The following CIB4 variants were observed in gnomAD, a reference collection of about 807,000 sequenced individuals.
CIB4 encodes the protein calcium and integrin binding family member 4, also known as calcium and integrin-binding family member 4.
Under a neutral mutation model 25.8 loss-of-function variants are expected in CIB4, and 25 were observed. The observed-to-expected ratio is 0.97, with a 90% CI of 0.71 to 1.35. CIB4 has a LOEUF of 1.35. CIB4 is among the 40% of genes most tolerant of loss of function. CIB4 has a pLI of 0.00. For synonymous variants in CIB4, 75 were observed against 81.4 expected (o/e 0.92, Z 0.42); for missense variants, 235 against 228.2 (o/e 1.03, Z -0.19).
At chr2:26,605,580 C>G (rs998574334) in intron 3 of CIB4, 1 of 470,688 alleles carries the variant, frequency 2.1e-6, no homozygotes, top group Non-Finnish European at 4.4e-6. Flanking sequence ...ATTCCTAGTT[C>G]TGGGTCTGAA....
At position 26,637,282 on chromosome 2, in the gene CIB4, A is replaced by C. The variant is rs185102225; in HGVS notation, c.89+3251T>G. ...GCCTTTCTGCGTTCTCGATTCCATCATCCAACCCCTGCAGGCAAAATTCTT... is the reference window on the plus strand; with the variant it reads ...GCCTTTCTGCGTTCTCGATTCCATCCTCCAACCCCTGCAGGCAAAATTCTT... On this transcript the variant is annotated intron_variant, in intron 2 of 6. Coordinates refer to ENST00000288861, the MANE Select transcript of CIB4 (RefSeq NM_001029881.3). Among the ~76,000 whole-genome samples the C allele has an allele frequency of 9.7e-4, 148 of 152,258 alleles. 1 individual carries two copies. Among genetic ancestry groups the C allele is most frequent in the African/African-American group, 3.5e-3 (145 of 41,550 alleles).
intron 4 of CIB4, among the ~76,000 whole-genome samples, chr2:26,587,228 C>T (rs1668474611): frequency 7.8e-6 from 1 of 128,734 alleles, no homozygotes; most frequent in African/African-American, 2.9e-5. Flanking sequence ...ATGGCATGAA[C>T]CTGGGAGGCA....
chr2:26,604,880 A>C (rs1668858672), intron 3 of CIB4, among the ~76,000 whole-genome samples: 2 of 152,332 alleles, frequency 1.3e-5, no homozygotes, highest in South Asian at 4.1e-4. Context: ...ACCTCTAAAA[A>C]TCATTAAGGA....
rs1255582858 is a variant in CIB4 at position 26,583,787 on chromosome 2, A to T, written c.438+2T>A. On this transcript the variant is annotated splice_donor_variant, in intron 5 of 6. Coordinates refer to ENST00000288861, the MANE Select transcript of CIB4 (RefSeq NM_001029881.3). LOFTEE classifies it high-confidence loss of function. ...CACCAACTCCCAGCCCCCAGCACAC[A>T]CGTGGTTCGTGAGGTCCATCAGGAG... is the stretch of plus-strand genomic sequence containing the variant. The T allele has an allele frequency of 6.3e-7, 1 of 1,593,894 alleles. No individual in the cohort carries two copies.
chr2:26,640,451 C>T (rs1030254120), intron 2 of CIB4, 82 bp downstream of exon 2: 4 of 1,436,272 alleles, frequency 2.8e-6, no homozygotes, highest in Non-Finnish European at 3.9e-6. Context: ...ACTCAGGGAC[C>T]AGCGTGAGGC....
intron 3 of CIB4, among the ~76,000 whole-genome samples, chr2:26,612,654 G>C (rs992008937): frequency 6.6e-6 from 1 of 151,938 alleles, no homozygotes; most frequent in Non-Finnish European, 1.5e-5. Context: ...CCTCTTCCAG[G>C]AGGCCATTTG....
At chr2:26,608,184 G>C (rs1047245210) in intron 3 of CIB4, among the ~76,000 whole-genome samples, 2 of 150,658 alleles carry the variant, frequency 1.3e-5, no homozygotes, top group African/African-American at 4.9e-5. Flanking sequence ...AGGTTGCAGT[G>C]AGCTGAGATT....
chr2:26,601,369 A>G lies in CIB4; in HGVS notation c.187-6052T>C, dbSNP rs181762729. On this transcript the variant is annotated intron_variant, in intron 3 of 6. Transcript: ENST00000288861. ...GGAGACTCCAGAAACAGACCCACAC[A>G]TATATGGCTACCTGATTTATGACAA... is the stretch of plus-strand genomic sequence containing the variant. Among the ~76,000 whole-genome samples, 597 of 151,682 alleles carry G rather than the reference A, an allele frequency of 3.9e-3. 7 individuals are homozygous for G. The highest frequency in any genetic ancestry group is 0.014 in the African/African-American group (571 of 41,326).
At chr2:26,629,870 C>A (rs550612206) in intron 2 of CIB4, among the ~76,000 whole-genome samples, 3 of 152,256 alleles carry the variant, frequency 2.0e-5, no homozygotes, top group East Asian at 1.9e-4. Context: ...CCCTCGGTTA[C>A]GGATGGGGAA....
At chr2:26,599,949 T>G (rs1399746707) in intron 3 of CIB4, among the ~76,000 whole-genome samples, 1 of 146,308 alleles carries the variant, frequency 6.8e-6, no homozygotes, top group Non-Finnish European at 1.5e-5. Flanking sequence ...GGCGTGCACC[T>G]GTAGTCCCAG....
intron 3 of CIB4, among the ~76,000 whole-genome samples, chr2:26,608,509 T>G (rs1668935838): frequency 6.6e-6 from 1 of 152,164 alleles, no homozygotes. Flanking sequence ...GGTTTCTCCG[T>G]GGACAATCCT....
intron 3 of CIB4, among the ~76,000 whole-genome samples, chr2:26,609,816 T>A (rs929106674): frequency 1.3e-5 from 2 of 152,202 alleles, no homozygotes; most frequent in Non-Finnish European, 2.9e-5. Flanking sequence ...ACACAGTTTA[T>A]ACGTTTTCCC....
At chr2:26,605,241 A>G (rs768827785) in intron 3 of CIB4, among the ~76,000 whole-genome samples, 1 of 152,196 alleles carries the variant, frequency 6.6e-6, no homozygotes, top group Non-Finnish European at 1.5e-5. Flanking sequence ...CAATGTATAC[A>G]TGGAAATTAA....
At chr2:26,598,603 A>G (rs1255476430) in intron 3 of CIB4, among the ~76,000 whole-genome samples, 1 of 152,112 alleles carries the variant, frequency 6.6e-6, no homozygotes, top group Non-Finnish European at 1.5e-5. Context: ...AGCTCACCAG[A>G]GCTGCGATTG....
At position 26,595,198 on chromosome 2, in the gene CIB4, A is replaced by C; in HGVS notation, c.306T>G (p.Ile102Met). The C allele has an allele frequency of 6.2e-7, 1 of 1,612,282 alleles. No individual in the cohort carries two copies. The highest frequency in any genetic ancestry group is 8.5e-7 in the Non-Finnish European group (1 of 1,178,504). The change falls in exon 4 of 7, where the codon ATT becomes ATG. Residue 102 changes from isoleucine (I) to methionine (M), a missense_variant. Physicochemically the swap from Ile to Met is conservative, Grantham distance 10. Coordinates refer to ENST00000288861, the MANE Select transcript of CIB4 (RefSeq NM_001029881.3). Reference protein sequence around the residue: ...FSEQACPSLKIEYAFRIYDFN... With the variant: ...FSEQACPSLKMEYAFRIYDFN... ...TACCATAGATGCGAAAGGCATACTC[A>C]ATCTTCAGGCTTGGGCAGGCCTGCT...
At chr2:26,630,623 C>A (rs1669399165) in intron 2 of CIB4, among the ~76,000 whole-genome samples, 1 of 152,120 alleles carries the variant, frequency 6.6e-6, no homozygotes, top group Admixed American at 6.5e-5. Context: ...GATCTACATT[C>A]AAATCCTGAC....
chr2:26,613,418 T>G (rs533963151), intron 3 of CIB4, among the ~76,000 whole-genome samples: 1 of 152,252 alleles, frequency 6.6e-6, no homozygotes, highest in South Asian at 2.1e-4. Flanking sequence ...GCCCCTGGTG[T>G]GAGGCTGGAG....
Position 26,593,212 on chromosome 2 carries a change from A to G in CIB4, c.328+1964T>C, listed in dbSNP as rs1668615508. ...CGCCTTTCCTAGCTTTCCAGCTTGC[A>G]GACAGCAGATGATGGGACTCCTCAG... On this transcript the variant is annotated intron_variant, in intron 4 of 6. Transcript: ENST00000288861. Among the ~76,000 whole-genome samples, 4 of 152,178 alleles carry G rather than the reference A, an allele frequency of 2.6e-5. No individual in the cohort carries two copies. The South Asian group carries it at 8.3e-4, about 32-fold the overall frequency.
intron 3 of CIB4, among the ~76,000 whole-genome samples, chr2:26,622,442 G>A (rs1669223566): frequency 6.6e-6 from 1 of 152,110 alleles, no homozygotes; most frequent in Admixed American, 6.5e-5. Context: ...TATATTGGGA[G>A]GGCAGGGGAA....
Sources: allele counts gnomAD v4.1 joint callset (sites outside exome capture counted in the v4.1 genomes callset), GRCh38; gene constraint gnomAD v4.1.1; transcripts MANE v1.5; gene names NCBI Gene and HGNC (gene_info 2026-07-23, HGNC 2026-07-21).